The following ADGRG1 variants were observed in gnomAD, a reference collection of about 807,000 sequenced individuals.
ADGRG1 encodes the protein 7-transmembrane protein with no EGF-like N-terminal domains-1.
In ADGRG1, 53 loss-of-function variants were observed where a neutral mutation model predicts 73.5. That is an observed-to-expected ratio of 0.72 (90% CI 0.58 to 0.91). The LOEUF (loss-of-function observed/expected upper bound fraction) is 0.91. Among genes scored for constraint, ADGRG1 ranks in the 40% least tolerant of loss-of-function variants. The pLI, the probability that ADGRG1 is intolerant of heterozygous loss-of-function variation, is 0.00. For missense variants in ADGRG1, 795 were observed against 871.8 expected (o/e 0.91, Z 1.11); for synonymous variants, 394 against 374.4 (o/e 1.05, Z -0.60).
Position 57,653,129 on chromosome 16 carries a change from G to A in ADGRG1, c.488-74G>A, listed in dbSNP as rs898224409. 4.4e-6 allele frequency: 7 copies of A among 1,597,542 alleles called. No homozygotes were observed. The African/African-American group carries it at 6.7e-5, about 15-fold the overall frequency. On this transcript the variant is annotated intron_variant, in intron 3 of 13. Transcript: ENST00000562631. ...AGGCATTCAGAGTCATGTCAGGGTG[G>A]TAGGGGGCAGAATGGGAGGGTCCTG...
upstream of ADGRG1, chr16:57,622,729 G>C: frequency 1.0e-6 from 1 of 974,832 alleles, no homozygotes. Context: ...CTCTTGGGAG[G>C]CTAGGCAAAA....
At chr16:57,635,659 G>A in intron 1 of ADGRG1, 2 of 984,956 alleles carry the variant, frequency 2.0e-6, no homozygotes, top group South Asian at 9.4e-5. Flanking sequence ...CCTGGGCCGT[G>A]AGGCTTTGGG....
At chr16:57,629,076 G>A (rs2036971893) in intron 1 of ADGRG1, 2 of 664,826 alleles carry the variant, frequency 3.0e-6, no homozygotes, top group Non-Finnish European at 3.7e-6. Flanking sequence ...GAGTGTGAGT[G>A]TGGGAGTGTA....
rs746634404 is a variant in ADGRG1 at position 57,659,612 on chromosome 16, C to T, written c.1486C>T (p.Arg496Ter). The T allele has an allele frequency of 8.7e-6, 14 of 1,613,848 alleles. No homozygotes were observed. Among genetic ancestry groups the T allele is most frequent in the South Asian group, 4.4e-5 (4 of 91,088 alleles). The change falls in exon 11 of 14, where the codon CGA becomes TGA. Residue 496 changes from arginine (R) to a stop codon, truncating the protein, a stop_gained. Transcript: ENST00000562631. LOFTEE classifies it high-confidence loss of function. ...WMGLEGYNLY[R>*]LVVEVFGTYV... ...GGGCCTCGAGGGGTACAACCTCTAC[C>T]GACTCGTGGTGGAGGTCTTTGGCAC...
intron 1 of ADGRG1, chr16:57,632,658 G>A (rs2038291887): frequency 2.3e-6 from 1 of 437,848 alleles, no homozygotes; most frequent in African/African-American, 2.1e-5. Context: ...CTCGTGCTTT[G>A]GTGAGGAGGC....
intron 1 of ADGRG1, chr16:57,646,621 T>G (rs1046063493): frequency 1.0e-6 from 1 of 984,982 alleles, no homozygotes; most frequent in Non-Finnish European, 1.2e-6. Context: ...CTCCTTCCCT[T>G]TGTGGGGATT....
intron 5 of ADGRG1, 85 bp downstream of exon 5, chr16:57,654,218 C>T: frequency 7.2e-7 from 1 of 1,382,194 alleles, no homozygotes; most frequent in South Asian, 1.3e-5. Context: ...CCCTGAAGCT[C>T]AGTGCCGTCG....
At chr16:57,622,684 C>T (rs747877811) in intron 2 of ADGRG1, 30 of 744,506 alleles carry the variant, frequency 4.0e-5, no homozygotes, top group Non-Finnish European at 4.8e-5. Context: ...GCCAGAATGA[C>T]CTGTTCTGGA....
upstream of ADGRG1, chr16:57,623,790 A>T (rs2035320579): frequency 2.0e-6 from 2 of 985,192 alleles, no homozygotes; most frequent in African/African-American, 1.7e-5. Context: ...TTATCATGGG[A>T]CTATGGGTAC....
At chr16:57,632,908 CTGGCT>C in intron 1 of ADGRG1, 1 of 985,474 alleles carries the variant, frequency 1.0e-6, no homozygotes, top group Non-Finnish European at 1.2e-6. Context: ...GTGAATGGCT[CTGGCT>C]TGGCTTCCCA....
At chr16:57,626,591 C>T (rs2035875064), upstream of ADGRG1, 1 of 985,434 alleles carries the variant, frequency 1.0e-6, no homozygotes, top group South Asian at 4.7e-5. Flanking sequence ...CCAGGCAGCC[C>T]CATAAGCCTC....
rs1474087024 is a variant in ADGRG1, at chr16:57,663,934, G to A, written c.*352G>A. 4 of 391,120 alleles carry A rather than the reference G, an allele frequency of 1.0e-5. No homozygotes were observed. The highest frequency in any genetic ancestry group is 1.9e-5 in the Non-Finnish European group (4 of 208,574). 24.2% of individuals were successfully genotyped at this position (391,120 alleles called of 1,614,324 possible). ...TGGGGGCCAGGCCTTGGATCTTGAGGGTCTGGCACATCCTTAATCCTGTGC... is the reference window on the plus strand; with the variant it reads ...TGGGGGCCAGGCCTTGGATCTTGAGAGTCTGGCACATCCTTAATCCTGTGC... On this transcript the variant is annotated 3_prime_UTR_variant, in exon 14 of 14. Coordinates refer to ENST00000562631, the MANE Select transcript of ADGRG1 (RefSeq NM_201525.4).
At chr16:57,633,512 C>G in intron 1 of ADGRG1, 1 of 985,392 alleles carries the variant, frequency 1.0e-6, no homozygotes, top group Non-Finnish European at 1.2e-6. Context: ...GCCAGGCTGC[C>G]CCCTAGGAGA....
At chr16:57,646,808 C>T in intron 1 of ADGRG1, 2 of 838,770 alleles carry the variant, frequency 2.4e-6, no homozygotes, top group Non-Finnish European at 2.9e-6. Context: ...CAGGGTGGTT[C>T]TGAGGGTTTG....
rs367568398 is a variant in ADGRG1, at chr16:57,663,432, C to G, written c.1934-20C>G. 1.2e-6 allele frequency: 2 copies of G among 1,613,562 alleles called. No homozygotes were observed. The highest frequency in any genetic ancestry group is 8.5e-7 in the Non-Finnish European group (1 of 1,179,836). ...GTGGGGCTCCCCCACCTGCTGACCC[C>G]GTGCCCTCACTGCCCGCAGGCTTCC... On this transcript the variant is annotated intron_variant, in intron 13 of 13. Coordinates refer to ENST00000562631, the MANE Select transcript of ADGRG1 (RefSeq NM_201525.4).
intron 1 of ADGRG1, chr16:57,639,836 TC>T (rs1330212321): frequency 2.3e-5 from 22 of 943,308 alleles, no homozygotes; most frequent in Non-Finnish European, 2.8e-5. Flanking sequence ...TCCCGTGCAT[TC>T]CCCTTCTCCC....
chr16:57,659,806 C>A, intron 11 of ADGRG1, 125 bp downstream of exon 11: 1 of 978,228 alleles, frequency 1.0e-6, no homozygotes, highest in Non-Finnish European at 1.5e-6. Context: ...TTCACTCATC[C>A]TCAGGTGTCC....
intron 1 of ADGRG1, chr16:57,631,928 A>G (rs1206755338): frequency 1.0e-6 from 1 of 969,798 alleles, no homozygotes; most frequent in Admixed American, 6.2e-5. Flanking sequence ...AGGAAGGGAC[A>G]CACATTTTCT....
At chr16:57,644,923 A>G (rs1336089321) in intron 1 of ADGRG1, 9 of 145,872 alleles carry the variant, frequency 6.2e-5, no homozygotes, top group Non-Finnish European at 8.7e-5. Flanking sequence ...TAACTCATGC[A>G]CACACACACT....
Sources: allele counts gnomAD v4.1 joint callset, GRCh38; gene constraint gnomAD v4.1.1; transcripts MANE v1.5; gene names NCBI Gene and HGNC (gene_info 2026-07-23, HGNC 2026-07-21).